SHISA9: variants seen among roughly 807,000 people sequenced by gnomAD.
SHISA9 encodes protein shisa-9.
Under a neutral mutation model 38.0 loss-of-function variants are expected in SHISA9, and 13 were observed. That is an observed-to-expected ratio of 0.34 (90% CI 0.22 to 0.54). SHISA9 has a LOEUF of 0.54. SHISA9 is among the 20% of genes least tolerant of loss of function. The pLI is 0.91. For synonymous variants in SHISA9, 275 were observed against 242.0 expected (o/e 1.14, Z -1.27); for missense variants, 538 against 575.8 (o/e 0.93, Z 0.67).
At position 13,200,783 on chromosome 16, in the gene SHISA9, C is replaced by A. The variant is rs115478400; in HGVS notation, c.692-2611C>A. On this transcript the variant is annotated intron_variant, in intron 2 of 4. Transcript: ENST00000558583. Reference sequence around the variant, plus strand: ...TGGGTTACTTGGCACTTATGTTTGGCGACATTCCCATTTAACACTTGGGCT... The same window carrying A: ...TGGGTTACTTGGCACTTATGTTTGGAGACATTCCCATTTAACACTTGGGCT... 5.0e-3 allele frequency among the ~76,000 whole-genome samples: 678 copies of A among 135,622 alleles called. 165 individuals are homozygous for A. Among genetic ancestry groups the A allele is most frequent in the African/African-American group, 0.019 (641 of 34,558 alleles). 89.0% of individuals were successfully genotyped at this position (135,622 alleles called of 152,430 possible).
chr16:13,520,242 G>A, the SHISA9 span, among the ~76,000 whole-genome samples: 1,431 of 152,222 alleles, frequency 9.4e-3, 22 homozygotes, highest in African/African-American at 0.033. Context: ...GTCAGTGAGC[G>A]CACAGATCAA....
intron 2 of SHISA9, among the ~76,000 whole-genome samples, chr16:12,959,482 T>A (rs895373435): frequency 2.0e-5 from 3 of 152,250 alleles, no homozygotes; most frequent in Admixed American, 1.3e-4. Context: ...TACTGTCCAC[T>A]GTAGTCCTCT....
chr16:13,268,897 C>T, the SHISA9 span, among the ~76,000 whole-genome samples: 1 of 152,094 alleles, frequency 6.6e-6, no homozygotes, highest in Non-Finnish European at 1.5e-5. Flanking sequence ...ACCCACTTAC[C>T]TATTACCAGT....
chr16:12,950,438 C>T (rs1436714857), intron 2 of SHISA9, among the ~76,000 whole-genome samples: 1 of 152,046 alleles, frequency 6.6e-6, no homozygotes, highest in Non-Finnish European at 1.5e-5. Flanking sequence ...AATCATTTCA[C>T]CCCAGTTAAA....
chr16:13,290,793 T>G, the SHISA9 span, among the ~76,000 whole-genome samples: 2 of 152,142 alleles, frequency 1.3e-5, no homozygotes. Context: ...GAAAGGGGCC[T>G]TGGGACTTTG....
the SHISA9 span, among the ~76,000 whole-genome samples, chr16:13,520,566 G>A: frequency 5.2e-4 from 68 of 131,834 alleles, no homozygotes; most frequent in African/African-American, 1.8e-3. Context: ...TGGCGCCATT[G>A]CACTCCAGCC....
intron 2 of SHISA9, among the ~76,000 whole-genome samples, chr16:12,986,981 C>G (rs1291584728): frequency 6.6e-6 from 1 of 152,214 alleles, no homozygotes; most frequent in Non-Finnish European, 1.5e-5. Flanking sequence ...ATGTAGCTGT[C>G]TCTTCCATAT....
chr16:12,963,126 G>A (rs1256152684), intron 2 of SHISA9, among the ~76,000 whole-genome samples: 1 of 152,202 alleles, frequency 6.6e-6, no homozygotes, highest in Non-Finnish European at 1.5e-5. Flanking sequence ...AGTCAGAGGT[G>A]CCTGAGGGAA....
chr16:13,270,022 C>T, the SHISA9 span, among the ~76,000 whole-genome samples: 1 of 152,254 alleles, frequency 6.6e-6, no homozygotes, highest in East Asian at 1.9e-4. Context: ...ATTATAATTA[C>T]TCTACCTGCC....
the SHISA9 span, among the ~76,000 whole-genome samples, chr16:13,296,081 A>G: frequency 6.6e-6 from 1 of 152,004 alleles, no homozygotes; most frequent in East Asian, 1.9e-4. Context: ...CTCAATTGTC[A>G]CTCTCATAGC....
At chr16:13,474,206 A>G in the SHISA9 span, 1 of 152,128 alleles carries the variant, frequency 6.6e-6, no homozygotes, top group Non-Finnish European at 1.5e-5. Context: ...TCTTTCCTCT[A>G]CAGGTAACAG....
In SHISA9 at chr16:13,203,461, G is replaced by T. The variant is rs891576078; in HGVS notation, c.759G>T (p.Ser253=). 1.3e-6 allele frequency: 2 copies of T among 1,550,860 alleles called. No homozygotes were observed. The highest frequency in any genetic ancestry group is 1.7e-6 in the Non-Finnish European group (2 of 1,146,624). Residue 253 remains serine, a synonymous_variant, in exon 3 of 5, where the codon TCG becomes TCT. Coordinates refer to ENST00000558583, the MANE Select transcript of SHISA9 (RefSeq NM_001145204.3). ...TCCAGCAGATGGGCCATCCACATTC[G>T]TACCCGAACCTGGGCCAGATCTCCA... ...PLLQQMGHPH[S]YPNLGQISNP... is the part of the protein sequence containing the mutation.
intron 2 of SHISA9, among the ~76,000 whole-genome samples, chr16:13,067,370 C>T (rs1282139899): frequency 6.6e-6 from 1 of 152,216 alleles, no homozygotes; most frequent in Non-Finnish European, 1.5e-5. Context: ...CATGTGATTC[C>T]TTCACTTTCT....
chr16:12,913,171 T>G (rs550318978), intron 1 of SHISA9, among the ~76,000 whole-genome samples: 76 of 152,276 alleles, frequency 5.0e-4, no homozygotes, highest in Non-Finnish European at 9.0e-4. Flanking sequence ...GCAAAAGTAA[T>G]TGTGGTTTTT....
chr16:12,931,583 C>G (rs913239740), intron 2 of SHISA9, among the ~76,000 whole-genome samples: 1 of 152,198 alleles, frequency 6.6e-6, no homozygotes, highest in Non-Finnish European at 1.5e-5. Context: ...ATAATGGCCT[C>G]CAGCTGCATC....
intron 2 of SHISA9, among the ~76,000 whole-genome samples, chr16:13,060,140 G>T (rs2073356983): frequency 6.6e-6 from 1 of 152,188 alleles, no homozygotes. Context: ...TCCCAGACGG[G>T]CCTGGCTCCA....
At chr16:13,074,818 C>T (rs995476733) in intron 2 of SHISA9, among the ~76,000 whole-genome samples, 5 of 151,908 alleles carry the variant, frequency 3.3e-5, no homozygotes, top group Non-Finnish European at 7.4e-5. Flanking sequence ...GCACATGCCA[C>T]CATGCCTGGC....
intron 1 of SHISA9, chr16:12,910,371 T>A (rs1174256605): frequency 3.2e-6 from 2 of 630,634 alleles, no homozygotes; most frequent in Admixed American, 1.3e-4. Flanking sequence ...CCCAACACTG[T>A]GCTGAGAGAT....
In SHISA9 at chr16:13,007,736, C is replaced by T. The variant is rs958478948; in HGVS notation, c.691+90921C>T. The stretch of plus-strand genomic sequence containing the variant: ...TGCCTGCCTATGTCAGCCTGAAACC[C>T]TTTGCTTATGCATCTTTCTTCTACG... On this transcript the variant is annotated intron_variant, in intron 2 of 4. Transcript: ENST00000558583. 6.6e-5 allele frequency among the ~76,000 whole-genome samples: 10 copies of T among 152,346 alleles called. No individual in the cohort carries two copies. In the East Asian group the frequency reaches 1.9e-3, roughly 29 times the overall value.
Sources: allele counts gnomAD v4.1 joint callset (sites outside exome capture counted in the v4.1 genomes callset), GRCh38; gene constraint gnomAD v4.1.1; transcripts MANE v1.5; gene names NCBI Gene and HGNC (gene_info 2026-07-23, HGNC 2026-07-21).